Variants in BLVRA observed in about 807,000 individuals in gnomAD.
BLVRA encodes BVR A.
Under a neutral mutation model 32.8 loss-of-function variants are expected in BLVRA, and 22 were observed. The observed-to-expected ratio is 0.67, with a 90% CI of 0.48 to 0.96. The LOEUF (loss-of-function observed/expected upper bound fraction) is 0.96, where lower values mean the gene tolerates loss of function less well. Ranked by LOEUF, BLVRA falls within the 40% of genes least tolerant of loss-of-function variation. The probability of loss-of-function intolerance (pLI) is 0.00; values close to 1 mark genes in which losing one functional copy is unlikely to be tolerated. For synonymous variants in BLVRA, 119 were observed against 141.3 expected, an observed-to-expected ratio of 0.84 and a Z score of 1.12; for missense variants, 323 against 358.1, an observed-to-expected ratio of 0.90 and a Z score of 0.79.
chr7:43,761,268 A>G (rs2095741938), intron 1 of BLVRA, among the ~76,000 whole-genome samples: 1 of 152,076 alleles, frequency 6.6e-6, no homozygotes, highest in Admixed American at 6.5e-5. Context: ...TAACAAATAA[A>G]TAGAAGATAA....
chr7:43,763,717 G>A (rs1229304562), intron 1 of BLVRA, among the ~76,000 whole-genome samples: 1 of 152,206 alleles, frequency 6.6e-6, no homozygotes, highest in South Asian at 2.1e-4. Flanking sequence ...CAACTCATGT[G>A]TGCTGTTTGT....
At chr7:43,800,737 G>A (rs2095797733) in intron 6 of BLVRA, among the ~76,000 whole-genome samples, 165 bp downstream of exon 6, 1 of 152,158 alleles carries the variant, frequency 6.6e-6, no homozygotes, top group Non-Finnish European at 1.5e-5. Flanking sequence ...TGGCCCTTGG[G>A]TAAAGAGTAT....
intron 1 of BLVRA, among the ~76,000 whole-genome samples, 192 bp downstream of exon 1, chr7:43,758,926 G>A (rs542427968): frequency 1.3e-5 from 2 of 152,180 alleles, no homozygotes; most frequent in South Asian, 4.1e-4. Context: ...GTGAGGACGC[G>A]GTCGGAGGCC....
At chr7:43,792,608 C>A in intron 4 of BLVRA, 107 bp from the exon 5 acceptor site, 2 of 1,096,796 alleles carry the variant, frequency 1.8e-6, no homozygotes, top group Non-Finnish European at 2.7e-6. Flanking sequence ...CACATTCACA[C>A]ACAGAAACTC....
intron 1 of BLVRA, chr7:43,764,330 T>G (rs1248699271): frequency 6.6e-6 from 1 of 152,212 alleles, no homozygotes; most frequent in Non-Finnish European, 1.5e-5. Context: ...AAAGTTCTGC[T>G]CTCAACCCTA....
intron 2 of BLVRA, among the ~76,000 whole-genome samples, chr7:43,780,687 T>C (rs1344833763): frequency 6.6e-6 from 1 of 152,230 alleles, no homozygotes; most frequent in African/African-American, 2.4e-5. Context: ...GCCTCTGTTG[T>C]GCTGTGCAAG....
In BLVRA at chr7:43,782,760, G is replaced by A. The variant is rs533729580; in HGVS notation, c.13-5144G>A. On this transcript the variant is annotated intron_variant, in intron 2 of 7. Transcript: ENST00000265523. Reference sequence around the variant, plus strand: ...AAGTGAAATGTGAAAAGAAAACCTCGGTAGCATGAGGTAAGAGAAGAAAGG... The same window carrying A: ...AAGTGAAATGTGAAAAGAAAACCTCAGTAGCATGAGGTAAGAGAAGAAAGG... 9.2e-5 allele frequency among the ~76,000 whole-genome samples: 14 copies of A among 152,278 alleles called. No individual in the cohort carries two copies. The South Asian group carries it at 1.5e-3, about 16-fold the overall frequency.
chr7:43,759,071 C>T (rs565621036), intron 1 of BLVRA, among the ~76,000 whole-genome samples: 1 of 152,366 alleles, frequency 6.6e-6, no homozygotes, highest in East Asian at 1.9e-4. Flanking sequence ...TCGGCGTCCG[C>T]GTGCCGCGTA....
At chr7:43,765,821 A>G (rs2095747206) in intron 1 of BLVRA, among the ~76,000 whole-genome samples, 3 of 152,256 alleles carry the variant, frequency 2.0e-5, no homozygotes, top group African/African-American at 7.2e-5. Context: ...AAAGTGAAAA[A>G]AAGAATAACT....
chr7:43,791,579 A>G (rs1355373424), intron 4 of BLVRA: 2 of 563,962 alleles, frequency 3.5e-6, no homozygotes, highest in African/African-American at 3.8e-5. Context: ...TAAAATTAAT[A>G]TTTAGTATGT....
intron 7 of BLVRA, among the ~76,000 whole-genome samples, chr7:43,805,842 C>T (rs1246075298): frequency 1.3e-5 from 2 of 152,062 alleles, no homozygotes; most frequent in African/African-American, 4.8e-5. Flanking sequence ...AGCGATCCAC[C>T]CACATCAGCC....
chr7:43,778,386 G>T (rs1250723131), intron 2 of BLVRA, among the ~76,000 whole-genome samples: 1 of 152,248 alleles, frequency 6.6e-6, no homozygotes, highest in Admixed American at 6.5e-5. Flanking sequence ...TTGCAGGTCT[G>T]TTGGAGTTTG....
chr7:43,788,023 G>A lies in BLVRA; in HGVS notation c.132G>A (p.Ser44=), dbSNP rs1215792017. ...TCCTGAACCTGATTGGCTTCGTGTC[G>A]AGGTGGCTCACAATGTCTTTGTGCT... ...SAFLNLIGFV[S]RRELGSIDGV... is the part of the protein sequence containing the mutation. Residue 44 remains serine, a splice_region_variant and synonymous_variant, in exon 3 of 8, where the codon TCG becomes TCA. Transcript: ENST00000265523. 6.8e-6 allele frequency: 11 copies of A among 1,614,068 alleles called. No homozygotes were observed. The highest frequency in any genetic ancestry group is 9.3e-6 in the Non-Finnish European group (11 of 1,180,034).
chr7:43,774,207 C>A (rs2095757881), intron 2 of BLVRA, among the ~76,000 whole-genome samples: 1 of 152,172 alleles, frequency 6.6e-6, no homozygotes, highest in Non-Finnish European at 1.5e-5. Flanking sequence ...GACATGAAGT[C>A]CTTGCCCATG....
chr7:43,806,857 G>C (rs1340052682), intron 7 of BLVRA, 120 bp from the exon 8 acceptor site: 4 of 1,116,776 alleles, frequency 3.6e-6, no homozygotes, highest in Non-Finnish European at 5.4e-6. Flanking sequence ...GGAGGCTGGT[G>C]GCTGCAAGGA....
chr7:43,801,784 T>C (rs188639459), intron 6 of BLVRA, among the ~76,000 whole-genome samples: 11 of 152,166 alleles, frequency 7.2e-5, no homozygotes, highest in Non-Finnish European at 8.8e-5. Context: ...CAGAGCTGGA[T>C]TGGAGCTCAG....
intron 2 of BLVRA, among the ~76,000 whole-genome samples, chr7:43,785,079 T>A (rs1193537731): frequency 6.6e-6 from 1 of 152,188 alleles, no homozygotes; most frequent in African/African-American, 2.4e-5. Flanking sequence ...GGCTTATTTA[T>A]AGATAATGGA....
intron 2 of BLVRA, among the ~76,000 whole-genome samples, chr7:43,785,332 C>CAA (rs57195897): frequency 5.2e-4 from 39 of 75,506 alleles, no homozygotes; most frequent in African/African-American, 9.6e-4. Flanking sequence ...TAGAAATTAC[C>CAA]AAAAAAAAAA....
At chr7:43,793,291 ATTC>A (rs759557544) in intron 5 of BLVRA, among the ~76,000 whole-genome samples, 2 of 151,848 alleles carry the variant, frequency 1.3e-5, no homozygotes, top group Non-Finnish European at 2.9e-5. Context: ...ATTTTGCTTA[ATTC>A]TTCTAGAATC....
Sources: gnomAD v4.1 joint callset for allele counts (sites outside exome capture counted in the v4.1 genomes callset) on GRCh38, gnomAD v4.1.1 for gene constraint, MANE v1.5 for transcripts, NCBI Gene and HGNC (gene_info 2026-07-23, HGNC 2026-07-21) for gene names.